Variants in FZD3 observed in about 807,000 individuals in gnomAD.
FZD3 encodes the protein frizzled class receptor 3.
In FZD3, 30 loss-of-function variants were observed where a neutral mutation model predicts 60.7. That is an observed-to-expected ratio of 0.49 (90% confidence interval 0.37 to 0.67). FZD3 has a LOEUF of 0.67. Among genes scored for constraint, FZD3 ranks in the 30% least tolerant of loss-of-function variants. The probability of loss-of-function intolerance (pLI) is 0.00; values close to 1 mark genes in which losing one functional copy is unlikely to be tolerated. For missense variants in FZD3, 605 were observed against 838.7 expected (o/e 0.72, Z 3.44); for synonymous variants, 246 against 275.2 (o/e 0.89, Z 1.05).
At chr8:28,540,893 C>G (rs888526376) in intron 5 of FZD3, among the ~76,000 whole-genome samples, 3 of 152,094 alleles carry the variant, frequency 2.0e-5, no homozygotes, top group Admixed American at 6.5e-5. Context: ...TGCAGTGAGC[C>G]GAGAATTGCA....
chr8:28,539,562 T>C (rs902885344), intron 5 of FZD3, among the ~76,000 whole-genome samples: 1 of 152,184 alleles, frequency 6.6e-6, no homozygotes, highest in Admixed American at 6.5e-5. Flanking sequence ...AAAGTGGGAA[T>C]CAGAAGACCT....
chr8:28,564,617 C>T lies in FZD3; in HGVS notation c.*1606C>T, dbSNP rs1194387650. On this transcript the variant is annotated 3_prime_UTR_variant, in exon 8 of 8. Coordinates refer to ENST00000240093, the MANE Select transcript of FZD3 (RefSeq NM_017412.4). ...TTATCTAATATTCAGTTGTTCTGCA[C>T]CTGATGCCAAATTCTGGGCTGTACT... 6.6e-6 allele frequency: 1 copy of T among 152,094 alleles called. No homozygotes were observed. Among genetic ancestry groups the T allele is most frequent in the Non-Finnish European group, 1.5e-5 (1 of 68,002 alleles). The allele number at this position is 152,094 out of a possible 1,614,324, so 9.4% of individuals were successfully genotyped here. A position where few individuals can be genotyped will look rare whatever the true frequency, so the allele number is the denominator to read the frequency against.
chr8:28,504,081 ATGGAAGCCTACATGTTT>A (rs1228825949), intron 3 of FZD3, among the ~76,000 whole-genome samples: 1 of 152,226 alleles, frequency 6.6e-6, no homozygotes, highest in Non-Finnish European at 1.5e-5. Flanking sequence ...CTTTCAGCAA[ATGGAAGCCTACATGTTT>A]TGGAATTCTT....
At chr8:28,537,885 G>A (rs1445273859) in intron 5 of FZD3, among the ~76,000 whole-genome samples, 1 of 152,122 alleles carries the variant, frequency 6.6e-6, no homozygotes, top group African/African-American at 2.4e-5. Context: ...GGGAGGCCGA[G>A]GTCGGCAGAT....
intron 5 of FZD3, among the ~76,000 whole-genome samples, chr8:28,542,091 C>CTT (rs61301257): frequency 0.44 from 58,765 of 133,182 alleles, 14,095 homozygotes; most frequent in Non-Finnish European, 0.53. Flanking sequence ...GAATGAAATC[C>CTT]TTTTTTTTTT....
intron 5 of FZD3, among the ~76,000 whole-genome samples, chr8:28,550,481 C>CTTTTTTTTTTTTTTT (rs386412443): frequency 1.7e-4 from 6 of 34,340 alleles, no homozygotes; most frequent in African/African-American, 5.3e-4. Context: ...CTTCTTTTAT[C>CTTTTTTTTTTTTTTT]TTTTTTTTTT....
At chr8:28,509,457 C>A (rs2130305331) in intron 3 of FZD3, among the ~76,000 whole-genome samples, 1 of 151,458 alleles carries the variant, frequency 6.6e-6, no homozygotes, top group Admixed American at 6.6e-5. Flanking sequence ...TATAGATATT[C>A]CTCATTTTAA....
Position 28,551,057 on chromosome 8 carries a change from A to G in FZD3, c.1405-546A>G, listed in dbSNP as rs1805400236. ...TTCTTCCCTATTTTAGAAGATGACT[A>G]ATGTCAGCCAAATATCTATCATCTA... On this transcript the variant is annotated intron_variant, in intron 5 of 7. Transcript: ENST00000240093. 2.0e-5 allele frequency among the ~76,000 whole-genome samples: 3 copies of G among 152,192 alleles called. No individual in the cohort carries two copies. The South Asian group carries it at 6.2e-4, about 31-fold the overall frequency.
At chr8:28,499,697 T>C (rs1179237559) in intron 1 of FZD3, among the ~76,000 whole-genome samples, 1 of 152,156 alleles carries the variant, frequency 6.6e-6, no homozygotes, top group African/African-American at 2.4e-5. Flanking sequence ...ATCATTATTG[T>C]TTTTTCCTAT....
intron 3 of FZD3, among the ~76,000 whole-genome samples, chr8:28,518,487 G>C (rs751515787): frequency 7.2e-5 from 11 of 152,100 alleles, no homozygotes; most frequent in Non-Finnish European, 1.2e-4. Flanking sequence ...CAGAAAGTCT[G>C]GTATGTTGAG....
intron 5 of FZD3, among the ~76,000 whole-genome samples, chr8:28,544,698 T>G (rs1370161848): frequency 6.6e-6 from 1 of 152,126 alleles, no homozygotes; most frequent in Non-Finnish European, 1.5e-5. Context: ...ATACTCAGAG[T>G]AAAAGCCCCC....
At chr8:28,549,410 T>A (rs2130452882) in intron 5 of FZD3, among the ~76,000 whole-genome samples, 1 of 152,310 alleles carries the variant, frequency 6.6e-6, no homozygotes, top group South Asian at 2.1e-4. Flanking sequence ...ACATGAAAGT[T>A]ATTTGTGTAT....
chr8:28,508,958 A>G (rs1804213583), intron 3 of FZD3, among the ~76,000 whole-genome samples: 1 of 152,368 alleles, frequency 6.6e-6, no homozygotes, highest in Admixed American at 6.5e-5. Context: ...TACAGCAAGC[A>G]GTTTAAGATT....
chr8:28,549,313 A>G (rs1455555063), intron 5 of FZD3, among the ~76,000 whole-genome samples: 1 of 152,202 alleles, frequency 6.6e-6, no homozygotes, highest in Non-Finnish European at 1.5e-5. Context: ...GCTTCAACAT[A>G]TGAATTTGGA....
chr8:28,564,027 A>G lies in FZD3; in HGVS notation c.*1016A>G, dbSNP rs958347848. 1 of 152,656 alleles carries G rather than the reference A, an allele frequency of 6.6e-6. No individual in the cohort carries two copies. The highest frequency in any genetic ancestry group is 2.4e-5 in the African/African-American group (1 of 41,446). The allele number at this position is 152,656 out of a possible 1,614,324, so 9.5% of individuals were successfully genotyped here. A position where few individuals can be genotyped will look rare whatever the true frequency, so the allele number is the denominator to read the frequency against. ...ATTGTCTGCACTTGCCTTGCCCAAT[A>G]GCCAGTAGGCTACAGCTTTTGCCCC... is the stretch of plus-strand genomic sequence containing the variant. On this transcript the variant is annotated 3_prime_UTR_variant, in exon 8 of 8. Coordinates refer to ENST00000240093, the MANE Select transcript of FZD3 (RefSeq NM_017412.4).
intron 3 of FZD3, among the ~76,000 whole-genome samples, chr8:28,503,586 A>G (rs1233545618): frequency 6.6e-6 from 1 of 152,224 alleles, no homozygotes; most frequent in Non-Finnish European, 1.5e-5. Flanking sequence ...TGAATTTTTC[A>G]GTGGTAATTC....
intron 7 of FZD3, among the ~76,000 whole-genome samples, chr8:28,560,551 ATTT>A (rs1805595261): frequency 6.6e-6 from 1 of 152,064 alleles, no homozygotes; most frequent in Non-Finnish European, 1.5e-5. Flanking sequence ...AAAATATATT[ATTT>A]GAGTTTTTGT....
In FZD3 at chr8:28,502,969, A is replaced by G; in HGVS notation, c.-45A>G. ...AGGTGTATAAATATCTAAAATACAT[A>G]TTGAATAGGCCTGATCATCTGAATC... On this transcript the variant is annotated 5_prime_UTR_variant, in exon 3 of 8. The change creates a new upstream start codon in the 5' untranslated region. Transcript: ENST00000240093. The G allele has an allele frequency of 7.6e-6, 10 of 1,313,278 alleles. No individual in the cohort carries two copies. Among genetic ancestry groups the G allele is most frequent in the Non-Finnish European group, 1.1e-5 (10 of 930,732 alleles). The allele number at this position is 1,313,278 out of a possible 1,614,324, so 81.4% of individuals were successfully genotyped here. A position where few individuals can be genotyped will look rare whatever the true frequency, so the allele number is the denominator to read the frequency against.
intron 7 of FZD3, among the ~76,000 whole-genome samples, chr8:28,557,469 G>T (rs573595723): frequency 6.6e-6 from 1 of 151,974 alleles, no homozygotes; most frequent in African/African-American, 2.4e-5. Context: ...CCGATTCTCT[G>T]TACTTTTCTT....
Sources: allele counts gnomAD v4.1 joint callset (sites outside exome capture counted in the v4.1 genomes callset), GRCh38; gene constraint gnomAD v4.1.1; transcripts MANE v1.5; gene names NCBI Gene and HGNC (gene_info 2026-07-23, HGNC 2026-07-21).